The following POTEH variants were observed in gnomAD, a reference collection of about 807,000 sequenced individuals.
The protein encoded by POTEH is ANKRD26-like family C member 3.
A neutral mutation model predicts 41.7 loss-of-function variants in POTEH; 6 were observed. The ratio of observed to expected loss-of-function variants is 0.14; its 90% CI spans 0.08 to 0.28. POTEH has a LOEUF of 0.28. POTEH is among the 10% of genes least tolerant of loss of function. The pLI is 1.00. For synonymous variants in POTEH, 38 were observed against 179.9 expected (o/e 0.21, Z 6.31); for missense variants, 115 against 533.5 (o/e 0.22, Z 7.73).
At chr22:15,690,924 T>C (rs76487438) in intron 1 of POTEH, among the ~76,000 whole-genome samples, 1 of 129,822 alleles carries the variant, frequency 7.7e-6, no homozygotes, top group Non-Finnish European at 1.8e-5. Context: ...CATAATTTCC[T>C]TCCTAGAACA....
chr22:15,693,486 C>T (rs879944014), intron 1 of POTEH, among the ~76,000 whole-genome samples: 145 of 152,016 alleles, frequency 9.5e-4, no homozygotes, highest in Admixed American at 7.6e-3. Flanking sequence ...ACATAATTAC[C>T]TTTTCATTAT....
intron 6 of POTEH, among the ~76,000 whole-genome samples, chr22:15,704,432 C>CA (rs1453599259): frequency 1.1e-5 from 1 of 90,916 alleles, no homozygotes; most frequent in African/African-American, 3.4e-5. Flanking sequence ...TCATGATAGA[C>CA]ATTTTAATAC....
At chr22:15,698,564 CATGT>C in intron 3 of POTEH, 94 bp from the exon 4 acceptor site, 1 of 1,605,634 alleles carries the variant, frequency 6.2e-7, no homozygotes, top group South Asian at 1.1e-5. Context: ...ACTTTCTATG[CATGT>C]AAGTCCATAA....
chr22:15,708,177 A>G lies in POTEH; in HGVS notation c.1308+87A>G. On this transcript the variant is annotated intron_variant, in intron 7 of 10. Coordinates refer to ENST00000343518, the MANE Select transcript of POTEH (RefSeq NM_001136213.1). ...TTAATAATATTAGATAGTCCAAATG[A>G]AATTACTTTTGAGACTAGGCTTTGA... The G allele has an allele frequency of 8.9e-6, 4 of 447,562 alleles. 2 individuals are homozygous for G. Among genetic ancestry groups the G allele is most frequent in the Non-Finnish European group, 1.1e-5 (4 of 351,546 alleles). 27.7% of individuals were successfully genotyped at this position (447,562 alleles called of 1,614,324 possible). A position where few individuals can be genotyped will look rare whatever the true frequency, so the allele number is the denominator to read the frequency against.
At chr22:15,714,535 T>C (rs1277493094) in intron 9 of POTEH, among the ~76,000 whole-genome samples, 1 of 152,042 alleles carries the variant, frequency 6.6e-6, no homozygotes, top group Admixed American at 6.5e-5. Flanking sequence ...AAAACTCCAG[T>C]CACACCTCTG....
intron 9 of POTEH, among the ~76,000 whole-genome samples, chr22:15,712,638 T>C (rs1989845550): frequency 1.8e-5 from 1 of 56,532 alleles, no homozygotes; most frequent in Non-Finnish European, 3.3e-5. Context: ...TATATTTGAG[T>C]ATTCACCTCA....
At chr22:15,718,816 G>A (rs1326857807) in intron 9 of POTEH, among the ~76,000 whole-genome samples, 1 of 151,100 alleles carries the variant, frequency 6.6e-6, no homozygotes, top group African/African-American at 2.4e-5. Context: ...AATGGAAAAT[G>A]CTTAATGATG....
intron 3 of POTEH, among the ~76,000 whole-genome samples, chr22:15,696,321 AAG>A (rs1311058089): frequency 4.2e-5 from 6 of 144,292 alleles, no homozygotes; most frequent in Non-Finnish European, 7.5e-5. Flanking sequence ...GAAAGGGAAA[AAG>A]AGAGCAGTCA....
At chr22:15,693,101 T>G (rs1295033285) in intron 1 of POTEH, among the ~76,000 whole-genome samples, 1 of 127,254 alleles carries the variant, frequency 7.9e-6, no homozygotes, top group Non-Finnish European at 1.8e-5. Context: ...CATGCAAAGA[T>G]GTACCTTGCT....
chr22:15,714,430 T>G (rs1414319015), intron 9 of POTEH, among the ~76,000 whole-genome samples: 220 of 151,864 alleles, frequency 1.4e-3, no homozygotes, highest in African/African-American at 5.1e-3. Flanking sequence ...ATCTGGCATG[T>G]TATCTCTCCT....
chr22:15,704,417 C>T (rs1397571295), intron 6 of POTEH, among the ~76,000 whole-genome samples: 1 of 91,866 alleles, frequency 1.1e-5, no homozygotes, highest in African/African-American at 3.3e-5. Flanking sequence ...TTAGCTAAGG[C>T]AAGTTCATGA....
At chr22:15,712,778 A>G (rs1270274042) in intron 9 of POTEH, among the ~76,000 whole-genome samples, 1 of 130,796 alleles carries the variant, frequency 7.6e-6, no homozygotes, top group Non-Finnish European at 1.6e-5. Context: ...ATTACTTTGT[A>G]TATTTGATGA....
intron 1 of POTEH, among the ~76,000 whole-genome samples, chr22:15,690,982 G>C (rs534867756): frequency 7.5e-6 from 1 of 133,056 alleles, no homozygotes; most frequent in Admixed American, 7.8e-5. Context: ...TGTCGATGCA[G>C]CAGATTATTT....
rs564327701 is a variant in POTEH, at chr22:15,692,826, T to C, written c.632+2117T>C. On this transcript the variant is annotated intron_variant, in intron 1 of 10. Transcript: ENST00000343518. ...ATGAATAACAGTGGTACTTATATAG[T>C]TGTTTAAAGTTTAAGTTGCTGCAGC... 3.1e-5 allele frequency among the ~76,000 whole-genome samples: 4 copies of C among 129,756 alleles called. No homozygotes were observed. The East Asian group carries it at 6.1e-4, about 20-fold the overall frequency. 85.1% of individuals were successfully genotyped at this position (129,756 alleles called of 152,430 possible). A position where few individuals can be genotyped will look rare whatever the true frequency, so the allele number is the denominator to read the frequency against.
chr22:15,690,181 G>T lies in POTEH; in HGVS notation c.104G>T (p.Cys35Phe). 4.4e-6 allele frequency: 6 copies of T among 1,359,600 alleles called. 2 individuals carry two copies. The highest frequency in any genetic ancestry group is 6.1e-6 in the Non-Finnish European group (6 of 978,044). 84.2% of individuals were successfully genotyped at this position (1,359,600 alleles called of 1,614,324 possible). A position where few individuals can be genotyped will look rare whatever the true frequency, so the allele number is the denominator to read the frequency against. ...GKWCRHCFAW[C>F]RGSGKSNVGT... is the part of the protein sequence containing the mutation. ...TGGTGCCGCCACTGCTTCGCCTGGT[G>T]CAGGGGGAGCGGCAAGAGCAACGTG... The change falls in exon 1 of 11, where the codon TGC (cysteine) becomes TTC (phenylalanine). Residue 35 changes from cysteine (C) to phenylalanine (F), a missense_variant. Coordinates refer to ENST00000343518, the MANE Select transcript of POTEH (RefSeq NM_001136213.1).
At chr22:15,717,789 G>GT (rs1257479606) in intron 9 of POTEH, among the ~76,000 whole-genome samples, 1 of 152,258 alleles carries the variant, frequency 6.6e-6, no homozygotes, top group Non-Finnish European at 1.5e-5. Flanking sequence ...TGTGCTGAAG[G>GT]TTTTTAGTTT....
intron 6 of POTEH, among the ~76,000 whole-genome samples, chr22:15,705,351 G>A (rs1256513944): frequency 6.7e-5 from 1 of 14,944 alleles, no homozygotes; most frequent in Non-Finnish European, 1.4e-4. Context: ...TAATATGTTG[G>A]CCTTTTTTTT....
chr22:15,691,525 CA>C (rs1173004751), intron 1 of POTEH, among the ~76,000 whole-genome samples: 15,988 of 87,154 alleles, frequency 0.18, 925 homozygotes, highest in African/African-American at 0.22. Context: ...GACTCCGTCT[CA>C]AAAAAAAAAA....
At position 15,691,339 on chromosome 22, in the gene POTEH, C is replaced by T. The variant is rs542334585; in HGVS notation, c.632+630C>T. Among the ~76,000 whole-genome samples, 89 of 128,654 alleles carry T rather than the reference C, an allele frequency of 6.9e-4. 1 individual carries two copies. The highest frequency in any genetic ancestry group is 4.4e-3 in the South Asian group (18 of 4,088). 84.4% of individuals were successfully genotyped at this position (128,654 alleles called of 152,430 possible). On this transcript the variant is annotated intron_variant, in intron 1 of 10. Coordinates refer to ENST00000343518, the MANE Select transcript of POTEH (RefSeq NM_001136213.1). The stretch of plus-strand genomic sequence containing the variant: ...GAGATCGAGACCATCCTTGCTAACA[C>T]GGTGAAACCCCGTCTCTACTAAAAA...
Sources: allele counts gnomAD v4.1 joint callset (sites outside exome capture counted in the v4.1 genomes callset), GRCh38; gene constraint gnomAD v4.1.1; transcripts MANE v1.5; gene names NCBI Gene and HGNC (gene_info 2026-07-23, HGNC 2026-07-21).